The following CDH12 variants were observed in gnomAD, a reference collection of about 807,000 sequenced individuals.
CDH12 encodes the protein cadherin-12.
Under a neutral mutation model 74.1 loss-of-function variants are expected in CDH12, and 41 were observed. The ratio of observed to expected loss-of-function variants is 0.55; its 90% CI spans 0.43 to 0.72. The LOEUF is 0.72. Ranked by LOEUF, CDH12 falls within the 30% of genes least tolerant of loss-of-function variation. The pLI, the probability that CDH12 is intolerant of heterozygous loss-of-function variation, is 0.00. For synonymous variants in CDH12, 399 were observed against 355.0 expected (o/e 1.12, Z -1.39); for missense variants, 945 against 977.2 (o/e 0.97, Z 0.44).
chr5:21,872,784 A>ATCGG (rs1409886319), intron 6 of CDH12, among the ~76,000 whole-genome samples: 1 of 19,204 alleles, frequency 5.2e-5, no homozygotes, highest in East Asian at 1.1e-3. Context: ...TAAGAGTAAG[A>ATCGG]TCTATCTATC....
At chr5:21,761,003 C>T (rs1440496780) in intron 12 of CDH12, among the ~76,000 whole-genome samples, 1 of 152,064 alleles carries the variant, frequency 6.6e-6, no homozygotes, top group African/African-American at 2.4e-5. Context: ...GAAATAAATG[C>T]TTTCTAGCCT....
At chr5:22,234,093 A>G (rs947194760) in intron 3 of CDH12, among the ~76,000 whole-genome samples, 1 of 152,194 alleles carries the variant, frequency 6.6e-6, no homozygotes, top group Non-Finnish European at 1.5e-5. Context: ...AAAAAAATAA[A>G]TCTATAGGCT....
intron 6 of CDH12, among the ~76,000 whole-genome samples, chr5:21,875,891 C>T (rs1204839797): frequency 4.2e-5 from 5 of 119,630 alleles, no homozygotes; most frequent in South Asian, 2.9e-4. Context: ...TTCTTCTTTG[C>T]GGGCATTTTT....
intron 6 of CDH12, among the ~76,000 whole-genome samples, chr5:21,905,735 C>T (rs1448867642): frequency 1.2e-5 from 1 of 81,796 alleles, no homozygotes; most frequent in Non-Finnish European, 3.5e-5. Flanking sequence ...GCAGAGAGAC[C>T]TCATCAATTA....
intron 3 of CDH12, among the ~76,000 whole-genome samples, chr5:22,336,822 T>A (rs1199570322): frequency 6.6e-6 from 1 of 152,168 alleles, no homozygotes. Context: ...ACAGAGTCCC[T>A]ATTGGGGCAC....
At chr5:22,823,185 A>G (rs930350003) in intron 1 of CDH12, among the ~76,000 whole-genome samples, 2 of 142,334 alleles carry the variant, frequency 1.4e-5, no homozygotes, top group Non-Finnish European at 3.0e-5. Context: ...TTGAACAATG[A>G]GAACACTTGG....
chr5:22,730,922 G>A (rs1052509761), intron 1 of CDH12, among the ~76,000 whole-genome samples: 1 of 151,702 alleles, frequency 6.6e-6, no homozygotes, highest in Admixed American at 6.6e-5. Context: ...CCTTTATGTC[G>A]CTAATCAGAT....
chr5:22,236,470 C>T (rs536032791), intron 3 of CDH12, among the ~76,000 whole-genome samples: 1 of 152,120 alleles, frequency 6.6e-6, no homozygotes, highest in African/African-American at 2.4e-5. Context: ...CGGTGGCTCA[C>T]ACCTGTAATC....
chr5:22,815,769 C>CAAAAAAAAAA (rs34135797), intron 1 of CDH12, among the ~76,000 whole-genome samples: 3 of 97,064 alleles, frequency 3.1e-5, no homozygotes, highest in Admixed American at 1.2e-4. Flanking sequence ...GACTCCGTCT[C>CAAAAAAAAAA]AAAAAAAAAA....
At chr5:21,801,348 C>T (rs1157039705) in intron 10 of CDH12, among the ~76,000 whole-genome samples, 1 of 152,078 alleles carries the variant, frequency 6.6e-6, no homozygotes, top group Non-Finnish European at 1.5e-5. Flanking sequence ...AAGCTTCTTT[C>T]GGGACAGAAG....
intron 3 of CDH12, among the ~76,000 whole-genome samples, chr5:22,390,110 TA>T (rs1742176656): frequency 6.6e-6 from 1 of 152,018 alleles, no homozygotes; most frequent in South Asian, 2.1e-4. Context: ...ATCATCTAGG[TA>T]TTTTCTACAT....
intron 4 of CDH12, among the ~76,000 whole-genome samples, chr5:22,132,945 C>T (rs1746258287): frequency 6.6e-6 from 1 of 152,014 alleles, no homozygotes; most frequent in South Asian, 2.1e-4. Flanking sequence ...GTTTTGTTTT[C>T]GATTATCACA....
At position 22,690,111 on chromosome 5, in the gene CDH12, A is replaced by G. The variant is rs115843088; in HGVS notation, c.-523+162947T>C. 4.6e-3 allele frequency among the ~76,000 whole-genome samples: 697 copies of G among 152,244 alleles called. 5 individuals carry two copies. The highest frequency in any genetic ancestry group is 0.016 in the African/African-American group (674 of 41,570). ...CTTGAATTTTTTTCCTTGTTTCAGT[A>G]AGAAGGCACTCACAAACAGAAATAT... On this transcript the variant is annotated intron_variant, in intron 1 of 14. Transcript: ENST00000382254.
intron 6 of CDH12, among the ~76,000 whole-genome samples, chr5:21,865,756 G>A (rs1410648439): frequency 6.6e-6 from 1 of 152,152 alleles, no homozygotes; most frequent in Non-Finnish European, 1.5e-5. Flanking sequence ...TTAAAAGAAT[G>A]TCACAGAAAC....
At chr5:22,033,198 T>C (rs1454667359) in intron 5 of CDH12, among the ~76,000 whole-genome samples, 2 of 152,166 alleles carry the variant, frequency 1.3e-5, no homozygotes, top group African/African-American at 4.8e-5. Flanking sequence ...GAGTAGAAAA[T>C]GGAGCTGTAA....
At chr5:21,842,876 C>T (rs1305811584) in intron 7 of CDH12, among the ~76,000 whole-genome samples, 1 of 152,056 alleles carries the variant, frequency 6.6e-6, no homozygotes, top group Non-Finnish European at 1.5e-5. Flanking sequence ...ACAGATATTT[C>T]ACTAAGTTTC....
At chr5:21,922,483 C>A (rs1474941876) in intron 6 of CDH12, among the ~76,000 whole-genome samples, 1 of 152,092 alleles carries the variant, frequency 6.6e-6, no homozygotes, top group Non-Finnish European at 1.5e-5. Context: ...AATAAATATG[C>A]TGGCCTCTGA....
At chr5:21,845,526 G>C (rs928836377) in intron 7 of CDH12, among the ~76,000 whole-genome samples, 1 of 149,738 alleles carries the variant, frequency 6.7e-6, no homozygotes, top group African/African-American at 2.5e-5. Context: ...CCAGTTAGTG[G>C]ACATCTTTCT....
At chr5:22,816,774 T>G (rs1460637911) in intron 1 of CDH12, among the ~76,000 whole-genome samples, 3 of 152,098 alleles carry the variant, frequency 2.0e-5, no homozygotes, top group Non-Finnish European at 2.9e-5. Flanking sequence ...ACACTTTAAG[T>G]CAGTGGGAGG....
Sources: allele counts gnomAD v4.1 joint callset (sites outside exome capture counted in the v4.1 genomes callset), GRCh38; gene constraint gnomAD v4.1.1; transcripts MANE v1.5; gene names NCBI Gene and HGNC (gene_info 2026-07-23, HGNC 2026-07-21).